KAZN: variants seen among roughly 807,000 people sequenced by gnomAD.
The protein encoded by KAZN is kazrin.
A neutral mutation model predicts 87.4 loss-of-function variants in KAZN; 40 were observed. That is an observed-to-expected ratio of 0.46 (90% confidence interval 0.36 to 0.60). The LOEUF (loss-of-function observed/expected upper bound fraction) is 0.60. KAZN is among the 20% of genes least tolerant of loss of function. KAZN has a pLI of 0.00. For missense variants in KAZN, 898 were observed against 1,073.9 expected (o/e 0.84, Z 2.29); for synonymous variants, 466 against 458.3 (o/e 1.02, Z -0.22).
chr1:15,066,468 G>A lies in KAZN; in HGVS notation c.1222+715G>A, dbSNP rs1639234988. ...ACAAAGACTCGCGAGCCGGGCCAAG[G>A]GGCCTTGTCTTGGCTGGGTTTGTCA... On this transcript the variant is annotated intron_variant, in intron 8 of 14. Transcript: ENST00000376030. The surrounding 1 kb of genome is among the most constrained non-coding windows in gnomAD (Gnocchi z 4.3). The A allele has an allele frequency of 2.0e-6, 2 of 985,356 alleles. No homozygotes were observed. Among genetic ancestry groups the A allele is most frequent in the Non-Finnish European group, 1.2e-6 (1 of 829,932 alleles). 61.0% of individuals were successfully genotyped at this position (985,356 alleles called of 1,614,324 possible). A position where few individuals can be genotyped will look rare whatever the true frequency, so the allele number is the denominator to read the frequency against.
At chr1:15,005,390 G>A (rs867246998) in intron 2 of KAZN, among the ~76,000 whole-genome samples, 1 of 152,178 alleles carries the variant, frequency 6.6e-6, no homozygotes. Context: ...CCCCGAGACT[G>A]ACCCTGCCAA....
chr1:14,126,329 A>G lies in KAZN; in HGVS notation c.92-54106A>G, dbSNP rs142960280. 5.3e-3 allele frequency among the ~76,000 whole-genome samples: 777 copies of G among 146,394 alleles called. 4 individuals are homozygous for G. The highest frequency in any genetic ancestry group is 0.019 in the African/African-American group (724 of 38,808). On this transcript the variant is annotated intron_variant, in intron 1 of 16. Coordinates refer to the KAZN transcript ENST00000636203. ...AAGGCCTCGCATCTCTATTCCATGTATCATAAAGGCAGAAGCTCTCCCCTC... is the reference window on the plus strand; with the variant it reads ...AAGGCCTCGCATCTCTATTCCATGTGTCATAAAGGCAGAAGCTCTCCCCTC...
At chr1:14,372,493 C>A (rs975998801) in intron 2 of KAZN, among the ~76,000 whole-genome samples, 2 of 152,122 alleles carry the variant, frequency 1.3e-5, no homozygotes, top group Non-Finnish European at 2.9e-5. Flanking sequence ...CAGCAGCATC[C>A]CTGGCTTCTA....
At chr1:14,954,611 G>A (rs1662865779) in intron 1 of KAZN, among the ~76,000 whole-genome samples, 1 of 152,214 alleles carries the variant, frequency 6.6e-6, no homozygotes, top group South Asian at 2.1e-4. Flanking sequence ...GGGTGCACGT[G>A]AAATGTGGCT....
chr1:13,992,205 G>A (rs904305378), intron 1 of KAZN, among the ~76,000 whole-genome samples: 10 of 152,102 alleles, frequency 6.6e-5, no homozygotes, highest in African/African-American at 2.2e-4. Context: ...CCAAATACAT[G>A]GGCTGTGTCT....
intron 1 of KAZN, among the ~76,000 whole-genome samples, chr1:14,671,615 T>TC (rs1456940719): frequency 1.3e-5 from 2 of 151,936 alleles, no homozygotes; most frequent in South Asian, 2.1e-4. Flanking sequence ...CAGTAGAATT[T>TC]CCCCCCGTGG....
chr1:15,055,995 C>T lies in KAZN; in HGVS notation c.727-96C>T, dbSNP rs1035378357. 19 of 1,243,508 alleles carry T rather than the reference C, an allele frequency of 1.5e-5. No individual in the cohort carries two copies. In the East Asian group the frequency reaches 2.4e-4, roughly 15 times the overall value. 77.0% of individuals were successfully genotyped at this position (1,243,508 alleles called of 1,614,324 possible). A position where few individuals can be genotyped will look rare whatever the true frequency, so the allele number is the denominator to read the frequency against. ...CCAGCAATACCCGGTGCAGAGGATC[C>T]GGGCTTTCTCCCCATGGCGGTGGGT... On this transcript the variant is annotated intron_variant, in intron 4 of 14. Coordinates refer to ENST00000376030, the MANE Select transcript of KAZN (RefSeq NM_201628.3).
intron 1 of KAZN, among the ~76,000 whole-genome samples, chr1:14,130,461 G>A (rs1644968534): frequency 6.6e-6 from 1 of 152,060 alleles, no homozygotes. Flanking sequence ...ACTTCCTGCT[G>A]CTTTATTCAT....
chr1:14,046,349 T>C (rs998870606), intron 1 of KAZN, among the ~76,000 whole-genome samples: 2 of 152,140 alleles, frequency 1.3e-5, no homozygotes, highest in African/African-American at 4.8e-5. Context: ...GCTTTTGTGG[T>C]TTTATATCCA....
chr1:13,918,615 TAAAATGCAG>T (rs1639946621), intron 1 of KAZN, among the ~76,000 whole-genome samples: 3 of 152,260 alleles, frequency 2.0e-5, no homozygotes, highest in Non-Finnish European at 4.4e-5. Flanking sequence ...CTACTGTGTA[TAAAATGCAG>T]TCAAACAGCA....
chr1:14,375,030 C>T (rs1321216968), intron 2 of KAZN, among the ~76,000 whole-genome samples: 1 of 152,214 alleles, frequency 6.6e-6, no homozygotes, highest in African/African-American at 2.4e-5. Context: ...AGACTTTCAG[C>T]TTGGCTTGGG....
chr1:14,888,934 C>T (rs897966211), intron 1 of KAZN, among the ~76,000 whole-genome samples: 1 of 152,286 alleles, frequency 6.6e-6, no homozygotes, highest in Non-Finnish European at 1.5e-5. Flanking sequence ...AATCTTTTGG[C>T]TCCCCTAGGC....
chr1:14,179,517 C>T (rs1187415985), intron 1 of KAZN, among the ~76,000 whole-genome samples: 3 of 152,124 alleles, frequency 2.0e-5, no homozygotes, highest in African/African-American at 4.8e-5. Flanking sequence ...CTTCAAAGTC[C>T]CTCTATTGTA....
chr1:14,754,483 AT>A (rs1644501553), intron 1 of KAZN, among the ~76,000 whole-genome samples: 1 of 152,066 alleles, frequency 6.6e-6, no homozygotes, highest in Non-Finnish European at 1.5e-5. Flanking sequence ...AAAGACAAAA[AT>A]TAGCCAGGCA....
intron 1 of KAZN, among the ~76,000 whole-genome samples, chr1:14,853,182 C>T (rs1649664709): frequency 6.6e-6 from 1 of 152,162 alleles, no homozygotes; most frequent in African/African-American, 2.4e-5. Context: ...CTAGGTCCCT[C>T]CCCCAGGGAT....
intron 2 of KAZN, among the ~76,000 whole-genome samples, chr1:14,437,089 G>A (rs551719842): frequency 7.9e-4 from 121 of 152,308 alleles, no homozygotes; most frequent in Non-Finnish European, 1.4e-3. Flanking sequence ...TGAAGCTGGT[G>A]CTGAAAACAC....
chr1:14,972,764 T>C (rs1481706790), intron 2 of KAZN, among the ~76,000 whole-genome samples: 141 of 152,136 alleles, frequency 9.3e-4, no homozygotes, highest in African/African-American at 3.2e-3. Context: ...ATTCGCCCAC[T>C]GTGGCCTCCC....
intron 1 of KAZN, among the ~76,000 whole-genome samples, chr1:14,114,520 G>GC (rs1425218584): frequency 6.6e-6 from 1 of 151,770 alleles, no homozygotes; most frequent in Admixed American, 6.6e-5. Flanking sequence ...CACCGTCGAT[G>GC]CCCCCCATAT....
intron 1 of KAZN, among the ~76,000 whole-genome samples, chr1:14,064,463 A>G (rs1642924255): frequency 6.6e-6 from 1 of 152,208 alleles, no homozygotes; most frequent in Admixed American, 6.5e-5. Flanking sequence ...GACTTGGGGA[A>G]GATGGACCCC....
Sources: allele counts gnomAD v4.1 joint callset (sites outside exome capture counted in the v4.1 genomes callset), GRCh38; gene constraint gnomAD v4.1.1; non-coding constraint Gnocchi (gnomAD v3.1); transcripts MANE v1.5; gene names NCBI Gene and HGNC (gene_info 2026-07-23, HGNC 2026-07-21).